The following LRP1 variants were observed in gnomAD, a reference collection of about 807,000 sequenced individuals.
The protein encoded by LRP1 is prolow-density lipoprotein receptor-related protein 1.
Under a neutral mutation model 541.5 loss-of-function variants are expected in LRP1, and 51 were observed. That is an observed-to-expected ratio of 0.09 (90% CI 0.08 to 0.12). The LOEUF is 0.12. Among genes scored for constraint, LRP1 ranks in the 10% least tolerant of loss-of-function variants. The probability of loss-of-function intolerance (pLI) is 1.00; values close to 1 mark genes in which losing one functional copy is unlikely to be tolerated. For synonymous variants in LRP1, 2,219 were observed against 2,470.8 expected (o/e 0.90, Z 3.02); for missense variants, 3,878 against 6,376.2 (o/e 0.61, Z 13.34).
chr12:57,187,370 C>T lies in LRP1; in HGVS notation c.6945C>T (p.Thr2315=). The change falls in exon 42 of 89, where the codon ACC becomes ACT. Residue 2315 remains threonine (T), a synonymous_variant. Transcript: ENST00000243077. ...STITRHTVDQ[T]RPGAFERETV... ...TCACGCGCCACACAGTGGACCAGAC[C>T]CGCCCAGGGGCCTTCGAGCGTGAGA... 1.2e-6 allele frequency: 2 copies of T among 1,614,216 alleles called. No individual in the cohort carries two copies. Among genetic ancestry groups the T allele is most frequent in the Non-Finnish European group, 1.7e-6 (2 of 1,180,038 alleles).
At chr12:57,194,247 C>G (rs1179804669) in intron 48 of LRP1, 107 bp from the exon 49 acceptor site, 5 of 1,297,668 alleles carry the variant, frequency 3.9e-6, no homozygotes, top group Non-Finnish European at 5.2e-6. Context: ...CAGAAGGGCA[C>G]CGTTCAACTT....
chr12:57,212,270 G>C lies in LRP1; in HGVS notation c.13494+9G>C, dbSNP rs751161452. The C allele has an allele frequency of 1.2e-6, 2 of 1,612,910 alleles. No homozygotes were observed. Among genetic ancestry groups the C allele is most frequent in the South Asian group, 2.2e-5 (2 of 91,026 alleles). Reference sequence around the variant, plus strand: ...CCCTGGACCCTGACAAGGTGGGCTGGGAGGCGGGCAGGGTCGAGTGCCAAG... The same window carrying C: ...CCCTGGACCCTGACAAGGTGGGCTGCGAGGCGGGCAGGGTCGAGTGCCAAG... On this transcript the variant is annotated intron_variant, in intron 88 of 88. Transcript: ENST00000243077. The surrounding 1 kb of genome is among the most constrained non-coding windows in gnomAD (Gnocchi z 5.0).
rs1358448117 is a variant in LRP1, at chr12:57,191,455, G to A, written c.7372G>A (p.Val2458Met). 4.3e-6 allele frequency: 7 copies of A among 1,611,462 alleles called. No individual in the cohort carries two copies. Among genetic ancestry groups the A allele is most frequent in the Middle Eastern group, 1.7e-4 (1 of 5,962 alleles). Residue 2458 changes from valine (V) to methionine (M), a missense_variant, in exon 44 of 89, where the codon GTG becomes ATG. By Grantham distance (21) the Val-to-Met change is conservative. Transcript: ENST00000243077. ...GGGCAGCAACATGAAGCTGCTGCGCGTGGACATCCCCCAGCAGCCCATGGG... is the reference window on the plus strand; with the variant it reads ...GGGCAGCAACATGAAGCTGCTGCGCATGGACATCCCCCAGCAGCCCATGGG... ...HVGSNMKLLR[V>M]DIPQQPMGII...
intron 6 of LRP1, among the ~76,000 whole-genome samples, chr12:57,151,227 AG>A (rs2035519973): frequency 2.0e-5 from 3 of 152,092 alleles, no homozygotes; most frequent in African/African-American, 7.2e-5. Context: ...GAAAAGCTGG[AG>A]TTGTAGTGAG....
chr12:57,198,792 G>A (rs1565749718), intron 60 of LRP1, 122 bp downstream of exon 60: 26 of 978,216 alleles, frequency 2.7e-5, no homozygotes, highest in Non-Finnish European at 2.3e-5. Context: ...ATGGCCTGAG[G>A]ACACCACTCA....
Position 57,203,166 on chromosome 12 carries a change from C to A in LRP1, c.10712-15C>A. The A allele has an allele frequency of 6.4e-7, 1 of 1,551,046 alleles. No individual in the cohort carries two copies. Among genetic ancestry groups the A allele is most frequent in the Non-Finnish European group, 8.7e-7 (1 of 1,143,904 alleles). On this transcript the variant is annotated splice_polypyrimidine_tract_variant and intron_variant, in intron 68 of 88. Transcript: ENST00000243077. The stretch of plus-strand genomic sequence containing the variant: ...TGCCCACCCTCCTGGGCCTGTCTCC[C>A]CCTGTCCTTCCCAGCCCCTCGGCCC...
chr12:57,154,934 G>C lies in LRP1; in HGVS notation c.1227+233G>C. 1.7e-6 allele frequency: 1 copy of C among 604,426 alleles called. No homozygotes were observed. 37.4% of individuals were successfully genotyped at this position (604,426 alleles called of 1,614,324 possible). ...GAAACACCACTTCTGTTTACTTCCTGTTTCTCATTTGACCCTTATAATAAC... is the reference window on the plus strand; with the variant it reads ...GAAACACCACTTCTGTTTACTTCCTCTTTCTCATTTGACCCTTATAATAAC... On this transcript the variant is annotated intron_variant, in intron 8 of 88. Transcript: ENST00000243077. This position sits in a 1 kb window ranked among gnomAD's most constrained non-coding sequence, Gnocchi z 4.6.
At chr12:57,181,016 C>T (rs2036154285) in intron 33 of LRP1, 141 bp from the exon 34 acceptor site, 3 of 1,245,714 alleles carry the variant, frequency 2.4e-6, no homozygotes, top group Non-Finnish European at 3.3e-6. Flanking sequence ...GGACAGAAAA[C>T]CTGAGAGCTG....
chr12:57,131,942 C>G (rs1323589143), intron 1 of LRP1: 1 of 152,420 alleles, frequency 6.6e-6, no homozygotes, highest in Admixed American at 6.6e-5. Context: ...AGCCCTTGCA[C>G]ATCAGAACCC....
chr12:57,128,808 C>T lies in LRP1; in HGVS notation c.-157C>T. ...CAAGGGGCTCGGAACTCTACCTCTT[C>T]ACCCACGCCCCTGGTGCGCTTTGCC... On this transcript the variant is annotated 5_prime_UTR_variant, in exon 1 of 89. Coordinates refer to ENST00000243077, the MANE Select transcript of LRP1 (RefSeq NM_002332.3). The T allele has an allele frequency of 1.6e-6, 1 of 609,276 alleles. No individual in the cohort carries two copies. The highest frequency in any genetic ancestry group is 2.8e-6 in the Non-Finnish European group (1 of 353,792). The allele number at this position is 609,276 out of a possible 1,614,324, so 37.7% of individuals were successfully genotyped here. A position where few individuals can be genotyped will look rare whatever the true frequency, so the allele number is the denominator to read the frequency against.
At position 57,180,051 on chromosome 12, in the gene LRP1, C is replaced by T. The variant is rs371203873; in HGVS notation, c.5146C>T (p.Leu1716Phe). 2 of 1,613,822 alleles carry T rather than the reference C, an allele frequency of 1.2e-6. No homozygotes were observed. The highest frequency in any genetic ancestry group is 2.7e-5 in the African/African-American group (2 of 75,032). The change falls in exon 31 of 89, where the codon CTC becomes TTC. Residue 1716 changes from leucine to phenylalanine, a missense_variant. By Grantham distance (22) the Leu-to-Phe change is conservative (BLOSUM62 0). This residue lies in a region of LRP1 where 394 missense variants were observed against 635.9 expected (regional missense o/e 0.62). Coordinates refer to ENST00000243077, the MANE Select transcript of LRP1 (RefSeq NM_002332.3). The stretch of plus-strand genomic sequence containing the variant: ...CTCTTGGCACCCTCCCCCCAGGAAG[C>T]TCTACTGGACCGATGGTGACAACAT... ...GLVVHPLRGK[L>F]YWTDGDNISM... is the part of the protein sequence containing the mutation.
At chr12:57,134,196 C>T (rs1382264645) in intron 1 of LRP1, among the ~76,000 whole-genome samples, 2 of 152,192 alleles carry the variant, frequency 1.3e-5, no homozygotes, top group Admixed American at 6.5e-5. Context: ...CAGGCAAAGC[C>T]GAGAACAGAC....
chr12:57,166,086 C>G lies in LRP1; in HGVS notation c.2674C>G (p.Gln892Glu), dbSNP rs1555183432. The change falls in exon 17 of 89, where the codon CAG (glutamine) becomes GAG (glutamate). Residue 892 changes from glutamine (Q) to glutamate (E), a missense_variant and splice_region_variant. Physicochemically the swap from Gln to Glu is conservative, Grantham distance 29. This residue lies in a region of LRP1 where 496 missense variants were observed against 861.0 expected (regional missense o/e 0.58). Transcript: ENST00000243077. ...NSDEAPALCH[Q>E]HTCPSDRFKC... ...CCCCTGACTCATTCCCTCCCCAGAT[C>G]AGCACACCTGCCCCTCGGACCGATT... 6.2e-7 allele frequency: 1 copy of G among 1,614,094 alleles called. No individual in the cohort carries two copies. The highest frequency in any genetic ancestry group is 8.5e-7 in the Non-Finnish European group (1 of 1,180,034).
In LRP1 at chr12:57,197,428, C is replaced by CCAGCA. The variant is rs2036560232; in HGVS notation, c.9162+49_9162+53dup. On this transcript the variant is annotated intron_variant, in intron 57 of 88. Transcript: ENST00000243077. This position sits in a 1 kb window ranked among gnomAD's most constrained non-coding sequence, Gnocchi z 4.5. ...CCTCCCCGCTGCCCATCTCCCAGACCCAGCACAGCCTCCCTTGCAAGTCTC... is the reference window on the plus strand; with the variant it reads ...CCTCCCCGCTGCCCATCTCCCAGACCCAGCACAGCACAGCCTCCCTTGCAAGTCTC... 6.2e-7 allele frequency: 1 copy of CCAGCA among 1,609,748 alleles called. No homozygotes were observed. Among genetic ancestry groups the CCAGCA allele is most frequent in the East Asian group, 2.2e-5 (1 of 44,852 alleles).
chr12:57,211,081 C>T lies in LRP1; in HGVS notation c.12917-95C>T. On this transcript the variant is annotated intron_variant, in intron 83 of 88. Coordinates refer to ENST00000243077, the MANE Select transcript of LRP1 (RefSeq NM_002332.3). The surrounding 1 kb of genome is among the most constrained non-coding windows in gnomAD (Gnocchi z 4.3). ...TTCCCCTGAGGCAGTGCACCCCCTG[C>T]ACCAAGATTATGCAAACAGAAAAGC... is the stretch of plus-strand genomic sequence containing the variant. 6.8e-7 allele frequency: 1 copy of T among 1,462,960 alleles called. No homozygotes were observed. Among genetic ancestry groups the T allele is most frequent in the African/African-American group, 1.4e-5 (1 of 72,162 alleles). The allele number at this position is 1,462,960 out of a possible 1,614,324, so 90.6% of individuals were successfully genotyped here.
intron 44 of LRP1, among the ~76,000 whole-genome samples, chr12:57,191,879 C>CCA (rs2036401118): frequency 1.1e-5 from 1 of 87,036 alleles, no homozygotes; most frequent in Non-Finnish European, 2.2e-5. Flanking sequence ...ACACATACCA[C>CCA]ACACACCCCA....
rs537512016 is a variant in LRP1, at chr12:57,140,998, T to C, written c.191-376T>C. ...ATCTGCCCGCCTCAGCCTCCCAAAG[T>C]GCTAGGATTATAGGTGTGAGCCATC... On this transcript the variant is annotated intron_variant, in intron 2 of 88. Transcript: ENST00000243077. Among the ~76,000 whole-genome samples, 3 of 152,238 alleles carry C rather than the reference T, an allele frequency of 2.0e-5. No homozygotes were observed. The East Asian group carries it at 5.8e-4, about 29-fold the overall frequency.
chr12:57,207,544 A>G (rs1255664832), intron 76 of LRP1, among the ~76,000 whole-genome samples: 1 of 145,454 alleles, frequency 6.9e-6, no homozygotes, highest in African/African-American at 2.5e-5. Flanking sequence ...AAAAAAAAAA[A>G]GAAAAAGAAA....
chr12:57,149,388 T>TCTCCCGGCCCAGATCCAGCCCTGTCC, intron 6 of LRP1: 1 of 541,316 alleles, frequency 1.8e-6, no homozygotes, highest in South Asian at 2.4e-5. Flanking sequence ...CAGCCCTGTG[T>TCTCCCGGCCCAGATCCAGCCCTGTCC]CTCCCGGCCC....
Sources: gnomAD v4.1 joint callset for allele counts (sites outside exome capture counted in the v4.1 genomes callset) on GRCh38, gnomAD v4.1.1 for gene constraint, gnomAD v4.1.1 regional missense constraint, Gnocchi (gnomAD v3.1) non-coding constraint, MANE v1.5 for transcripts, NCBI Gene and HGNC (gene_info 2026-07-23, HGNC 2026-07-21) for gene names.